The following SLC44A5 variants were observed in gnomAD, a reference collection of about 807,000 sequenced individuals.
SLC44A5 encodes solute carrier family 44 member 5, also known as choline transporter-like protein 5.
A neutral mutation model predicts 101.8 loss-of-function variants in SLC44A5; 57 were observed. The observed-to-expected ratio is 0.56, with a 90% CI of 0.45 to 0.70. SLC44A5 has a LOEUF of 0.70. Ranked by LOEUF, SLC44A5 falls within the 30% of genes least tolerant of loss-of-function variation. The pLI, the probability that SLC44A5 is intolerant of heterozygous loss-of-function variation, is 0.00. For missense variants in SLC44A5, 737 were observed against 853.1 expected, an observed-to-expected ratio of 0.86 and a Z score of 1.70; for synonymous variants, 281 against 290.9, an observed-to-expected ratio of 0.97 and a Z score of 0.35.
chr1:75,567,331 C>A (rs1050463198), intron 1 of SLC44A5, among the ~76,000 whole-genome samples: 1 of 152,112 alleles, frequency 6.6e-6, no homozygotes, highest in Admixed American at 6.6e-5. Flanking sequence ...GCATTAGAAC[C>A]TTTTGCATAA....
chr1:75,406,485 C>T (rs12080075), intron 2 of SLC44A5, among the ~76,000 whole-genome samples: 3,342 of 152,214 alleles, frequency 0.022, 121 homozygotes, highest in African/African-American at 0.072. Context: ...AAACCAAATC[C>T]GGCAGCACAT....
At chr1:75,533,685 AT>A (rs1365387639) in intron 2 of SLC44A5, among the ~76,000 whole-genome samples, 4 of 152,046 alleles carry the variant, frequency 2.6e-5, no homozygotes, top group Non-Finnish European at 5.9e-5. Flanking sequence ...AATACTCCTC[AT>A]TTTTTCTGTA....
intron 2 of SLC44A5, among the ~76,000 whole-genome samples, chr1:75,413,527 G>T (rs1374868924): frequency 1.3e-5 from 2 of 152,014 alleles, no homozygotes; most frequent in African/African-American, 4.8e-5. Flanking sequence ...TCTATTATCT[G>T]GGATCTCATA....
At chr1:75,699,552 C>G in the SLC44A5 span, among the ~76,000 whole-genome samples, 4 of 142,922 alleles carry the variant, frequency 2.8e-5, no homozygotes, top group East Asian at 8.6e-4. Flanking sequence ...AAAATCATGC[C>G]AAAATGTAAA....
intron 1 of SLC44A5, among the ~76,000 whole-genome samples, chr1:75,564,514 T>C (rs1270382175): frequency 6.6e-6 from 1 of 151,958 alleles, no homozygotes; most frequent in Non-Finnish European, 1.5e-5. Flanking sequence ...GAATGAATAA[T>C]CTGGCTCTTT....
chr1:75,307,076 T>C (rs1379517143), intron 4 of SLC44A5, among the ~76,000 whole-genome samples: 7 of 152,048 alleles, frequency 4.6e-5, no homozygotes, highest in Admixed American at 2.0e-4. Flanking sequence ...TCCAATGATA[T>C]CAACCATCCT....
intron 4 of SLC44A5, among the ~76,000 whole-genome samples, chr1:75,328,766 C>T (rs1024965060): frequency 4.6e-5 from 7 of 152,210 alleles, no homozygotes; most frequent in Non-Finnish European, 7.3e-5. Context: ...ATCTATTCAG[C>T]TTCGTTGCCA....
chr1:75,238,385 C>CATATATATATATAT (rs71081318), intron 10 of SLC44A5, 128 bp downstream of exon 10: 2,512 of 214,906 alleles, frequency 0.012, 39 homozygotes, highest in African/African-American at 0.021. Context: ...ACGTATATTT[C>CATATATATATATAT]ATATATATAT....
chr1:75,275,137 A>T, intron 5 of SLC44A5, 95 bp from the exon 6 acceptor site: 1 of 777,488 alleles, frequency 1.3e-6, no homozygotes, highest in South Asian at 1.6e-5. Flanking sequence ...CAACACACTA[A>T]CCTCTCCCCT....
At chr1:75,460,689 G>A (rs1228219076) in intron 2 of SLC44A5, among the ~76,000 whole-genome samples, 1 of 152,054 alleles carries the variant, frequency 6.6e-6, no homozygotes, top group African/African-American at 2.4e-5. Flanking sequence ...CAATAAAAGG[G>A]ATCTAGACAT....
At chr1:75,281,590 A>C (rs2100779912) in intron 5 of SLC44A5, among the ~76,000 whole-genome samples, 1 of 141,246 alleles carries the variant, frequency 7.1e-6, no homozygotes, top group Non-Finnish European at 1.5e-5. Flanking sequence ...CTCTGATCAC[A>C]GGCTCAGAAC....
the SLC44A5 span, among the ~76,000 whole-genome samples, chr1:75,668,463 T>A: frequency 1.3e-5 from 2 of 150,392 alleles, no homozygotes; most frequent in Non-Finnish European, 2.9e-5. Flanking sequence ...TAGCTAGGAT[T>A]ACAGGTATAT....
intron 9 of SLC44A5, among the ~76,000 whole-genome samples, chr1:75,239,742 A>G (rs1253489859): frequency 3.3e-5 from 5 of 152,064 alleles, no homozygotes; most frequent in African/African-American, 9.7e-5. Flanking sequence ...AGTGATCCCA[A>G]TGACCTCTGA....
At chr1:75,708,552 T>G in the SLC44A5 span, among the ~76,000 whole-genome samples, 1 of 151,968 alleles carries the variant, frequency 6.6e-6, no homozygotes, top group African/African-American at 2.4e-5. Flanking sequence ...CACCACTGCT[T>G]AAAAAAGTAA....
the SLC44A5 span, chr1:75,641,465 C>T: frequency 1.4e-6 from 2 of 1,399,558 alleles, no homozygotes; most frequent in Non-Finnish European, 2.0e-6. Context: ...GAGTCTTTGA[C>T]TTCCACTGCC....
At chr1:75,529,038 A>AC (rs370865241) in intron 2 of SLC44A5, among the ~76,000 whole-genome samples, 13 of 152,356 alleles carry the variant, frequency 8.5e-5, no homozygotes, top group African/African-American at 3.1e-4. Context: ...TTGTTTACTT[A>AC]CCTGCAACCC....
At chr1:75,575,047 T>C (rs1453282720) in intron 1 of SLC44A5, among the ~76,000 whole-genome samples, 3 of 152,054 alleles carry the variant, frequency 2.0e-5, no homozygotes, top group African/African-American at 4.8e-5. Flanking sequence ...AGGAAACATA[T>C]AGGATATCAA....
At chr1:75,532,633 A>G (rs1241408311) in intron 2 of SLC44A5, among the ~76,000 whole-genome samples, 1 of 151,944 alleles carries the variant, frequency 6.6e-6, no homozygotes, top group Non-Finnish European at 1.5e-5. Flanking sequence ...CTTTACTATC[A>G]TTTTCCACTA....
chr1:75,344,953 C>T (rs1658139243), intron 3 of SLC44A5, among the ~76,000 whole-genome samples: 1 of 151,838 alleles, frequency 6.6e-6, no homozygotes, highest in Non-Finnish European at 1.5e-5. Flanking sequence ...TTCTCTGTTC[C>T]TGTTACCTAC....
Sources: gnomAD v4.1 joint callset for allele counts (sites outside exome capture counted in the v4.1 genomes callset) on GRCh38, gnomAD v4.1.1 for gene constraint, MANE v1.5 for transcripts, NCBI Gene and HGNC (gene_info 2026-07-23, HGNC 2026-07-21) for gene names.